Variants in FANCC observed in about 807,000 individuals in gnomAD.
FANCC encodes Fanconi anemia group C protein.
In FANCC, 55 loss-of-function variants were observed where a neutral mutation model predicts 71.3. That is an observed-to-expected ratio of 0.77 (90% CI 0.62 to 0.97). The LOEUF (loss-of-function observed/expected upper bound fraction) is 0.97. FANCC is among the 50% of genes least tolerant of loss of function. The pLI is 0.00. For synonymous variants in FANCC, 275 were observed against 244.9 expected, an observed-to-expected ratio of 1.12 and a Z score of -1.15; for missense variants, 678 against 670.9, an observed-to-expected ratio of 1.01 and a Z score of -0.12.
intron 8 of FANCC, among the ~76,000 whole-genome samples, chr9:95,127,759 C>T (rs1826229778): frequency 6.6e-6 from 1 of 152,360 alleles, no homozygotes; most frequent in South Asian, 2.1e-4. Context: ...CCCTGGATCA[C>T]ACTGAGGCAG....
Position 95,236,714 on chromosome 9 carries a change from A to G in FANCC, c.345+3935T>C, listed in dbSNP as rs572253284. Reference sequence around the variant, plus strand: ...TTAGAGTATTTCAATCATACTTGTAATGCTCCAGTAACACAGAATGACCCA... The same window carrying G: ...TTAGAGTATTTCAATCATACTTGTAGTGCTCCAGTAACACAGAATGACCCA... On this transcript the variant is annotated intron_variant, in intron 4 of 14. Transcript: ENST00000289081. Among the ~76,000 whole-genome samples the G allele has an allele frequency of 6.7e-4, 102 of 152,230 alleles. 1 individual carries two copies. The highest frequency in any genetic ancestry group is 5.0e-4 in the Non-Finnish European group (34 of 68,042).
chr9:95,263,882 A>G (rs1384719445), intron 1 of FANCC, among the ~76,000 whole-genome samples: 1 of 152,168 alleles, frequency 6.6e-6, no homozygotes, highest in East Asian at 1.9e-4. Flanking sequence ...ATATTATGGA[A>G]ATATAGGGCA....
intron 10 of FANCC, among the ~76,000 whole-genome samples, chr9:95,117,950 G>A (rs1260700599): frequency 2.0e-5 from 3 of 151,480 alleles, no homozygotes; most frequent in Non-Finnish European, 4.4e-5. Context: ...TCGAACTCCC[G>A]ACCTCAGGTG....
intron 6 of FANCC, among the ~76,000 whole-genome samples, chr9:95,156,352 C>G (rs915639506): frequency 6.6e-6 from 1 of 152,188 alleles, no homozygotes; most frequent in Non-Finnish European, 1.5e-5. Context: ...GATGCCTGTG[C>G]TAGCAGAGTG....
chr9:95,212,809 G>T (rs1275868371), intron 4 of FANCC, among the ~76,000 whole-genome samples: 1 of 152,238 alleles, frequency 6.6e-6, no homozygotes, highest in African/African-American at 2.4e-5. Context: ...ACGATAAACA[G>T]AAGGGAGAGG....
chr9:95,263,367 G>C (rs1832171382), intron 1 of FANCC, among the ~76,000 whole-genome samples: 1 of 152,046 alleles, frequency 6.6e-6, no homozygotes, highest in African/African-American at 2.4e-5. Flanking sequence ...GCCAGTGCCA[G>C]GGGTGAATCT....
chr9:95,225,209 G>A lies in FANCC; in HGVS notation c.345+15440C>T, dbSNP rs145738589. Among the ~76,000 whole-genome samples, 20 of 152,272 alleles carry A rather than the reference G, an allele frequency of 1.3e-4. No individual in the cohort carries two copies. The East Asian group carries it at 3.7e-3, about 28-fold the overall frequency. ...ACAGATGTAGCGATCAGGCAGCCAC[G>A]TGTAGTGCAGACATCCACACATCCT... On this transcript the variant is annotated intron_variant, in intron 4 of 14. Transcript: ENST00000289081.
chr9:95,199,757 G>A (rs940193875), intron 4 of FANCC, among the ~76,000 whole-genome samples: 1 of 152,166 alleles, frequency 6.6e-6, no homozygotes, highest in Non-Finnish European at 1.5e-5. Flanking sequence ...GTTCTGAAAG[G>A]TATATACATT....
intron 3 of FANCC, among the ~76,000 whole-genome samples, chr9:95,244,221 C>T (rs1830803869): frequency 6.6e-6 from 1 of 152,242 alleles, no homozygotes; most frequent in Non-Finnish European, 1.5e-5. Context: ...CCAGCAGGGG[C>T]TCTCCTGAGA....
chr9:95,131,901 GA>G (rs891253335), intron 8 of FANCC, among the ~76,000 whole-genome samples: 6 of 151,912 alleles, frequency 3.9e-5, no homozygotes, highest in African/African-American at 1.5e-4. Context: ...GAGAATGAGG[GA>G]AAAAAACACA....
Position 95,281,676 on chromosome 9 carries a change from A to G in FANCC, c.-78-32307T>C, listed in dbSNP as rs552531080. Among the ~76,000 whole-genome samples, 4 of 152,200 alleles carry G rather than the reference A, an allele frequency of 2.6e-5. No individual in the cohort carries two copies. In the South Asian group the frequency reaches 8.3e-4, roughly 32 times the overall value. On this transcript the variant is annotated intron_variant, in intron 1 of 14. Coordinates refer to ENST00000289081, the MANE Select transcript of FANCC (RefSeq NM_000136.3). ...TGTAATGGTGGTATGTACATCATAT[A>G]TTTTTTTAAGAAGGTTAAGACAACA...
chr9:95,182,348 G>A (rs1350304658), intron 4 of FANCC, among the ~76,000 whole-genome samples: 2 of 151,954 alleles, frequency 1.3e-5, no homozygotes, highest in East Asian at 1.9e-4. Flanking sequence ...GTGAAACCCC[G>A]TCTCTACTAA....
At chr9:95,236,528 A>G (rs931301651) in intron 4 of FANCC, among the ~76,000 whole-genome samples, 9 of 152,208 alleles carry the variant, frequency 5.9e-5, no homozygotes, top group Non-Finnish European at 1.3e-4. Context: ...CATTTTATCA[A>G]TGTGTTTCCA....
chr9:95,284,200 A>G (rs568598743), intron 1 of FANCC, among the ~76,000 whole-genome samples: 1 of 152,352 alleles, frequency 6.6e-6, no homozygotes, highest in South Asian at 2.1e-4. Flanking sequence ...TGGAGTCAAC[A>G]GAGAGAATAA....
chr9:95,273,375 G>A (rs900808863), intron 1 of FANCC, among the ~76,000 whole-genome samples: 1 of 152,172 alleles, frequency 6.6e-6, no homozygotes. Flanking sequence ...CTGCATTTCA[G>A]CTCTAGAACA....
intron 6 of FANCC, among the ~76,000 whole-genome samples, chr9:95,168,262 G>GCTT (rs1825434633): frequency 6.6e-6 from 1 of 152,198 alleles, no homozygotes; most frequent in Admixed American, 6.5e-5. Flanking sequence ...GAAGCCAGAG[G>GCTT]CTTCTCTTCC....
At position 95,110,581 on chromosome 9, in the gene FANCC, A is replaced by G. The variant is rs1020986100; in HGVS notation, c.1329+882T>C. The G allele has an allele frequency of 1.4e-5, 15 of 1,034,956 alleles. No homozygotes were observed. In the Admixed American group the frequency reaches 1.7e-4, roughly 12 times the overall value. The allele number at this position is 1,034,956 out of a possible 1,614,324, so 64.1% of individuals were successfully genotyped here. On this transcript the variant is annotated intron_variant, in intron 13 of 14. Coordinates refer to ENST00000289081, the MANE Select transcript of FANCC (RefSeq NM_000136.3). ...ACCAAATTTCAACTTTTTAAAATCT[A>G]AAACTATTTTTCTTTCCTATGCCAT...
intron 1 of FANCC, among the ~76,000 whole-genome samples, chr9:95,291,805 G>A (rs891283361): frequency 1.2e-4 from 18 of 151,542 alleles, no homozygotes; most frequent in Non-Finnish European, 2.4e-4. Flanking sequence ...AAAATTAGCT[G>A]AGGATAGTGG....
intron 1 of FANCC, among the ~76,000 whole-genome samples, chr9:95,276,577 T>C (rs1284990656): frequency 5.3e-5 from 8 of 152,238 alleles, no homozygotes; most frequent in Admixed American, 4.6e-4. Context: ...CCAAGAATTA[T>C]ATCTGGTCTG....
Sources: allele counts gnomAD v4.1 joint callset (sites outside exome capture counted in the v4.1 genomes callset), GRCh38; gene constraint gnomAD v4.1.1; transcripts MANE v1.5; gene names NCBI Gene and HGNC (gene_info 2026-07-23, HGNC 2026-07-21).